Variants in DAAM1 observed in about 807,000 individuals in gnomAD.
The protein encoded by DAAM1 is disheveled-associated activator of morphogenesis 1.
A neutral mutation model predicts 130.0 loss-of-function variants in DAAM1; 52 were observed. The observed-to-expected ratio is 0.40, with a 90% CI of 0.32 to 0.50. DAAM1 has a LOEUF of 0.50. Among genes scored for constraint, DAAM1 ranks in the 20% least tolerant of loss-of-function variants. The pLI is 0.61. For synonymous variants in DAAM1, 452 were observed against 444.5 expected, an observed-to-expected ratio of 1.02 and a Z score of -0.21; for missense variants, 1,134 against 1,303.8, an observed-to-expected ratio of 0.87 and a Z score of 2.01.
At chr14:59,234,856 A>G (rs1452700758) in intron 1 of DAAM1, among the ~76,000 whole-genome samples, 1 of 152,034 alleles carries the variant, frequency 6.6e-6, no homozygotes, top group Non-Finnish European at 1.5e-5. Context: ...GCATGAATGG[A>G]TGTTGAATTT....
chr14:59,278,687 G>A (rs1883078638), intron 2 of DAAM1, among the ~76,000 whole-genome samples: 1 of 152,066 alleles, frequency 6.6e-6, no homozygotes, highest in African/African-American at 2.4e-5. Context: ...GGGACCTTGG[G>A]GAAAACATTG....
rs184197908 is a variant in DAAM1 at position 59,302,714 on chromosome 14, C to T, written c.273+11408C>T. Among the ~76,000 whole-genome samples the T allele has an allele frequency of 3.0e-4, 46 of 152,162 alleles. 1 individual carries two copies. In the East Asian group the frequency reaches 8.1e-3, roughly 27 times the overall value. On this transcript the variant is annotated intron_variant, in intron 3 of 24. Transcript: ENST00000360909. Reference sequence around the variant, plus strand: ...TGTCACCCACACTGGAGTGCAGTGGCGCAATTTCAGCTCACTGGAAACTCC... The same window carrying T: ...TGTCACCCACACTGGAGTGCAGTGGTGCAATTTCAGCTCACTGGAAACTCC...
intron 2 of DAAM1, among the ~76,000 whole-genome samples, chr14:59,281,600 C>T (rs1175082764): frequency 2.0e-5 from 3 of 152,016 alleles, no homozygotes; most frequent in African/African-American, 4.8e-5. Flanking sequence ...GGACCTTTAC[C>T]TGCTAAGGAA....
intron 4 of DAAM1, among the ~76,000 whole-genome samples, chr14:59,315,662 C>T (rs1220637838): frequency 6.6e-6 from 1 of 152,198 alleles, no homozygotes; most frequent in African/African-American, 2.4e-5. Context: ...TTACCAGTCA[C>T]TCGGAGCTTG....
intron 15 of DAAM1, among the ~76,000 whole-genome samples, chr14:59,333,283 G>C (rs1885511137): frequency 6.6e-6 from 1 of 152,088 alleles, no homozygotes; most frequent in African/African-American, 2.4e-5. Context: ...GCCCTCAGCT[G>C]CCCACCCCTA....
chr14:59,291,151 C>A, intron 2 of DAAM1, 66 bp from the exon 3 acceptor site: 1 of 1,300,064 alleles, frequency 7.7e-7, no homozygotes, highest in Non-Finnish European at 1.0e-6. Context: ...CTTGATGATA[C>A]TGATAACGTT....
chr14:59,331,065 A>T, intron 13 of DAAM1, 144 bp from the exon 14 acceptor site: 1 of 1,401,084 alleles, frequency 7.1e-7, no homozygotes, highest in Non-Finnish European at 9.5e-7. Flanking sequence ...AAAAGAGTCC[A>T]TTCGACTTTA....
At chr14:59,308,909 C>T (rs1167458966) in intron 3 of DAAM1, among the ~76,000 whole-genome samples, 1 of 152,052 alleles carries the variant, frequency 6.6e-6, no homozygotes, top group Non-Finnish European at 1.5e-5. Flanking sequence ...TTTGTGTGGG[C>T]CCAACCGGAT....
chr14:59,290,587 A>C (rs991735421), intron 2 of DAAM1, among the ~76,000 whole-genome samples: 2 of 152,212 alleles, frequency 1.3e-5, no homozygotes, highest in Admixed American at 6.5e-5. Flanking sequence ...CTTGCCCAAA[A>C]CTTCATTGCC....
At chr14:59,350,984 G>A (rs11622409) in intron 17 of DAAM1, among the ~76,000 whole-genome samples, 96,566 of 151,854 alleles carry the variant, frequency 0.64, 31,169 homozygotes, top group East Asian at 0.85. Context: ...CATTTGTCCA[G>A]CTGCCTACTA....
intron 1 of DAAM1, among the ~76,000 whole-genome samples, chr14:59,191,488 A>G (rs1291642288): frequency 2.6e-5 from 4 of 152,172 alleles, no homozygotes; most frequent in East Asian, 1.9e-4. Flanking sequence ...TCCAAGGTCT[A>G]TTATTTCCAC....
chr14:59,322,859 C>T, intron 5 of DAAM1, 33 bp from the exon 6 acceptor site: 1 of 1,550,846 alleles, frequency 6.4e-7, no homozygotes, highest in Non-Finnish European at 8.8e-7. Context: ...AACCCAAAGG[C>T]ACTTAAGCAT....
intron 1 of DAAM1, among the ~76,000 whole-genome samples, chr14:59,228,451 A>C (rs536712408): frequency 4.6e-5 from 7 of 152,208 alleles, no homozygotes; most frequent in Non-Finnish European, 1.0e-4. Flanking sequence ...TTGTATTTTT[A>C]CTATTGGTTG....
intron 16 of DAAM1, among the ~76,000 whole-genome samples, chr14:59,347,029 T>TA (rs941741860): frequency 1.2e-4 from 18 of 151,888 alleles, no homozygotes; most frequent in African/African-American, 3.9e-4. Flanking sequence ...CTCCATCTAT[T>TA]AAAAAAAAGC....
In DAAM1 at chr14:59,340,061, A is replaced by G. The variant is rs368655307; in HGVS notation, c.1969-13A>G. 3.1e-6 allele frequency: 5 copies of G among 1,609,670 alleles called. No homozygotes were observed. The highest frequency in any genetic ancestry group is 1.3e-5 in the African/African-American group (1 of 74,826). The stretch of plus-strand genomic sequence containing the variant: ...TGTTGGACTTTGATGGATTTCTTTC[A>G]TGCTCTTTACAGAAAGAAGCAGATG... On this transcript the variant is annotated splice_polypyrimidine_tract_variant and intron_variant, in intron 15 of 24. Transcript: ENST00000360909.
intron 1 of DAAM1, among the ~76,000 whole-genome samples, chr14:59,252,400 G>A (rs993472075): frequency 2.0e-5 from 3 of 152,196 alleles, no homozygotes; most frequent in African/African-American, 4.8e-5. Flanking sequence ...CAGAGTTTTT[G>A]TACAGTTGTT....
intron 1 of DAAM1, among the ~76,000 whole-genome samples, chr14:59,197,053 T>A (rs1181141160): frequency 1.3e-5 from 2 of 152,084 alleles, no homozygotes; most frequent in Non-Finnish European, 2.9e-5. Flanking sequence ...CCCGGGTAGC[T>A]GGGACTACAG....
chr14:59,211,800 A>C (rs911132952), intron 1 of DAAM1, among the ~76,000 whole-genome samples: 1 of 152,206 alleles, frequency 6.6e-6, no homozygotes, highest in Non-Finnish European at 1.5e-5. Flanking sequence ...TCTTGTGAAC[A>C]ATCTTTAATA....
At chr14:59,193,789 G>A (rs1887804733) in intron 1 of DAAM1, among the ~76,000 whole-genome samples, 1 of 152,154 alleles carries the variant, frequency 6.6e-6, no homozygotes, top group Non-Finnish European at 1.5e-5. Context: ...TGAGTGTCTG[G>A]ATTATCTTGT....
Sources: gnomAD v4.1 joint callset for allele counts (sites outside exome capture counted in the v4.1 genomes callset) on GRCh38, gnomAD v4.1.1 for gene constraint, MANE v1.5 for transcripts, NCBI Gene and HGNC (gene_info 2026-07-23, HGNC 2026-07-21) for gene names.